The following ABCG1 variants were observed in gnomAD, a reference collection of about 807,000 sequenced individuals.
ABCG1 encodes the protein ATP binding cassette subfamily G member 1.
A neutral mutation model predicts 69.2 loss-of-function variants in ABCG1; 29 were observed. The ratio of observed to expected loss-of-function variants is 0.42; its 90% CI spans 0.31 to 0.57. The LOEUF is 0.57. ABCG1 is among the 20% of genes least tolerant of loss of function. The pLI is 0.15. For synonymous variants in ABCG1, 370 were observed against 374.8 expected (o/e 0.99, Z 0.15); for missense variants, 718 against 898.1 (o/e 0.80, Z 2.56).
chr21:42,205,922 G>T (rs535732676), intron 2 of ABCG1, among the ~76,000 whole-genome samples: 1 of 151,996 alleles, frequency 6.6e-6, no homozygotes, highest in African/African-American at 2.4e-5. Flanking sequence ...TTTCATTCAG[G>T]TAAATGTATT....
chr21:42,245,540 C>T (rs2068118993), intron 2 of ABCG1, among the ~76,000 whole-genome samples: 1 of 152,198 alleles, frequency 6.6e-6, no homozygotes, highest in Non-Finnish European at 1.5e-5. Context: ...AGATGGCCTC[C>T]CTGGCCAACC....
intron 4 of ABCG1, among the ~76,000 whole-genome samples, chr21:42,274,866 A>G (rs1317737269): frequency 6.6e-6 from 1 of 152,088 alleles, no homozygotes; most frequent in Non-Finnish European, 1.5e-5. Flanking sequence ...TCCTCCCATT[A>G]AGAGGAGATT....
chr21:42,287,657 G>A lies in ABCG1; in HGVS notation c.974-232G>A, dbSNP rs1185393805. Among the ~76,000 whole-genome samples the A allele has an allele frequency of 6.6e-6, 1 of 152,234 alleles. No individual in the cohort carries two copies. Among genetic ancestry groups the A allele is most frequent in the Non-Finnish European group, 1.5e-5 (1 of 68,034 alleles). ...CTCATTACTTCTCAGACCACTGACA[G>A]CACAGTGTGTGTTTGCGTTTCCCGT... On this transcript the variant is annotated intron_variant, in intron 8 of 14. Coordinates refer to ENST00000398449, the MANE Select transcript of ABCG1 (RefSeq NM_016818.3). The surrounding 1 kb of genome is among the most constrained non-coding windows in gnomAD (Gnocchi z 6.2).
At chr21:42,244,055 G>A (rs1259437462) in intron 2 of ABCG1, among the ~76,000 whole-genome samples, 1 of 152,054 alleles carries the variant, frequency 6.6e-6, no homozygotes, top group Non-Finnish European at 1.5e-5. Flanking sequence ...TCCTGACCTC[G>A]TGATCCGCCC....
upstream of ABCG1, among the ~76,000 whole-genome samples, chr21:42,211,903 AAAAACAAAAC>A (rs755546108): frequency 6.6e-6 from 1 of 152,064 alleles, no homozygotes; most frequent in Admixed American, 6.6e-5. Context: ...ACAAAAATCA[AAAAACAAAAC>A]AAAACAAAAC....
upstream of ABCG1, among the ~76,000 whole-genome samples, chr21:42,216,683 G>A (rs186324411): frequency 1.1e-4 from 16 of 152,292 alleles, no homozygotes; most frequent in African/African-American, 3.8e-4. Context: ...CAGGTCTTTG[G>A]TCCCAGTAGT....
chr21:42,264,733 GA>G (rs1380277170), intron 2 of ABCG1, among the ~76,000 whole-genome samples: 2 of 151,976 alleles, frequency 1.3e-5, no homozygotes, highest in African/African-American at 4.8e-5. Flanking sequence ...AGGAGAGAGG[GA>G]AGGAGGTGGG....
intron 2 of ABCG1, chr21:42,256,643 G>A (rs1329236825): frequency 2.7e-6 from 4 of 1,476,190 alleles, no homozygotes; most frequent in East Asian, 2.5e-5. Flanking sequence ...CTGGGGACAG[G>A]GTTCCCACCA....
chr21:42,246,125 C>T (rs2068131201), intron 2 of ABCG1, among the ~76,000 whole-genome samples: 1 of 152,220 alleles, frequency 6.6e-6, no homozygotes, highest in Non-Finnish European at 1.5e-5. Flanking sequence ...TCCACACTGA[C>T]ATCTGGGGAA....
chr21:42,269,238 T>A (rs2068571665), intron 2 of ABCG1, among the ~76,000 whole-genome samples: 1 of 152,174 alleles, frequency 6.6e-6, no homozygotes, highest in South Asian at 2.1e-4. Flanking sequence ...AGTGCTTTCT[T>A]GGGGATATCG....
Position 42,291,339 on chromosome 21 carries a change from T to A in ABCG1, c.1494+147T>A, listed in dbSNP as rs1217041208. 20 of 1,204,580 alleles carry A rather than the reference T, an allele frequency of 1.7e-5. No homozygotes were observed. The highest frequency in any genetic ancestry group is 2.3e-5 in the Non-Finnish European group (20 of 851,312). The allele number at this position is 1,204,580 out of a possible 1,614,324, so 74.6% of individuals were successfully genotyped here. A position where few individuals can be genotyped will look rare whatever the true frequency, so the allele number is the denominator to read the frequency against. On this transcript the variant is annotated intron_variant, in intron 12 of 14. Transcript: ENST00000398449. The surrounding 1 kb of genome is among the most constrained non-coding windows in gnomAD (Gnocchi z 6.4). Reference sequence around the variant, plus strand: ...TGGGAGCTGCGGGGAAGGGCCTGACTTCGGGAGCTGTGGCGGGAGCTGTGG... The same window carrying A: ...TGGGAGCTGCGGGGAAGGGCCTGACATCGGGAGCTGTGGCGGGAGCTGTGG...
At chr21:42,284,738 GA>G in intron 7 of ABCG1, 55 bp downstream of exon 7, 1 of 1,591,702 alleles carries the variant, frequency 6.3e-7, no homozygotes, top group Non-Finnish European at 8.6e-7. Flanking sequence ...AGGTCAGCCT[GA>G]ATGACACCAA....
chr21:42,261,615 G>T (rs909902396), intron 2 of ABCG1, among the ~76,000 whole-genome samples: 2 of 152,186 alleles, frequency 1.3e-5, no homozygotes, highest in African/African-American at 4.8e-5. Context: ...GTGAGGAGAC[G>T]CATTGCCTCG....
intron 1 of ABCG1, among the ~76,000 whole-genome samples, chr21:42,224,859 G>A (rs976974056): frequency 6.6e-6 from 1 of 151,962 alleles, no homozygotes; most frequent in Admixed American, 6.6e-5. Context: ...GTTACAGTTC[G>A]TTTGACTCCC....
At chr21:42,222,251 C>G (rs761103740) in intron 1 of ABCG1, among the ~76,000 whole-genome samples, 6 of 152,212 alleles carry the variant, frequency 3.9e-5, no homozygotes, top group Non-Finnish European at 8.8e-5. Context: ...GCCGGCAGCT[C>G]TCATCGGAGG....
Position 42,264,557 on chromosome 21 carries a change from C to T in ABCG1, c.287-6513C>T, listed in dbSNP as rs78391981. Among the ~76,000 whole-genome samples, 3 of 148,268 alleles carry T rather than the reference C, an allele frequency of 2.0e-5. No homozygotes were observed. In the East Asian group the frequency reaches 6.1e-4, roughly 30 times the overall value. ...TTCATCCATTCATCCATCCATTCAG[C>T]GACACTTGAGTATCTACACTGGGCC... On this transcript the variant is annotated intron_variant, in intron 2 of 14. Coordinates refer to ENST00000398449, the MANE Select transcript of ABCG1 (RefSeq NM_016818.3).
chr21:42,255,334 G>A (rs913635695), intron 2 of ABCG1, among the ~76,000 whole-genome samples: 7 of 152,168 alleles, frequency 4.6e-5, no homozygotes, highest in South Asian at 2.1e-4. Context: ...GTCTGTGCAC[G>A]CATGATTGTG....
chr21:42,213,158 G>A (rs1416081270), upstream of ABCG1, among the ~76,000 whole-genome samples: 4 of 152,270 alleles, frequency 2.6e-5, no homozygotes, highest in Non-Finnish European at 5.9e-5. Flanking sequence ...TGCTGTGCAT[G>A]AAGACAGTGA....
chr21:42,280,870 G>A (rs1035862401), intron 5 of ABCG1, among the ~76,000 whole-genome samples: 1 of 152,228 alleles, frequency 6.6e-6, no homozygotes, highest in Admixed American at 6.5e-5. Context: ...GATGCCAGCT[G>A]GGAAGAGGGC....
Sources: gnomAD v4.1 joint callset for allele counts (sites outside exome capture counted in the v4.1 genomes callset) on GRCh38, gnomAD v4.1.1 for gene constraint, Gnocchi (gnomAD v3.1) non-coding constraint, MANE v1.5 for transcripts, NCBI Gene and HGNC (gene_info 2026-07-23, HGNC 2026-07-21) for gene names.